The following MAGI2 variants were observed in gnomAD, a reference collection of about 807,000 sequenced individuals.
MAGI2 encodes membrane-associated guanylate kinase, WW and PDZ domain-containing protein 2.
In MAGI2, 35 loss-of-function variants were observed where a neutral mutation model predicts 133.3. The ratio of observed to expected loss-of-function variants is 0.26; its 90% CI spans 0.20 to 0.35. The LOEUF is 0.35. Among genes scored for constraint, MAGI2 ranks in the 10% least tolerant of loss-of-function variants. MAGI2 has a pLI of 1.00. For synonymous variants in MAGI2, 729 were observed against 710.6 expected, an observed-to-expected ratio of 1.03 and a Z score of -0.41; for missense variants, 1,636 against 1,863.4, an observed-to-expected ratio of 0.88 and a Z score of 2.25.
intron 2 of MAGI2, chr7:78,946,936 C>T (rs1274835913): frequency 3.9e-5 from 6 of 152,086 alleles, no homozygotes; most frequent in African/African-American, 1.4e-4. Context: ...CCAGATTTTC[C>T]TGGCCATCAT....
At chr7:78,725,591 G>A (rs922555195) in intron 2 of MAGI2, among the ~76,000 whole-genome samples, 5 of 152,234 alleles carry the variant, frequency 3.3e-5, no homozygotes, top group Non-Finnish European at 7.3e-5. Context: ...AAGGTCAGGA[G>A]ATAGAGACCA....
At chr7:78,914,563 A>C (rs973902325) in intron 2 of MAGI2, among the ~76,000 whole-genome samples, 1 of 152,152 alleles carries the variant, frequency 6.6e-6, no homozygotes, top group African/African-American at 2.4e-5. Flanking sequence ...ATTGCATTTC[A>C]CAGAAGGAAC....
chr7:79,023,492 TG>T (rs1239813003), intron 1 of MAGI2, among the ~76,000 whole-genome samples: 1 of 152,042 alleles, frequency 6.6e-6, no homozygotes, highest in East Asian at 1.9e-4. Flanking sequence ...CAGAGAAATC[TG>T]GCAAGAGAAA....
At chr7:78,417,886 T>C (rs1391908692) in intron 6 of MAGI2, among the ~76,000 whole-genome samples, 1 of 152,198 alleles carries the variant, frequency 6.6e-6, no homozygotes, top group Non-Finnish European at 1.5e-5. Context: ...TGTGTCCCCA[T>C]TGATGGCAAG....
At chr7:78,988,748 T>C (rs906045959) in intron 2 of MAGI2, among the ~76,000 whole-genome samples, 1 of 152,060 alleles carries the variant, frequency 6.6e-6, no homozygotes, top group Non-Finnish European at 1.5e-5. Flanking sequence ...CACCGTGTAA[T>C]CACCCCTCAG....
intron 9 of MAGI2, among the ~76,000 whole-genome samples, chr7:78,280,290 C>A (rs1795437205): frequency 2.0e-5 from 3 of 149,962 alleles, no homozygotes; most frequent in Admixed American, 2.0e-4. Flanking sequence ...CAAAGAAAGA[C>A]AAATTGTGGG....
chr7:79,171,821 A>T (rs533589763), intron 1 of MAGI2, among the ~76,000 whole-genome samples: 2 of 136,636 alleles, frequency 1.5e-5, no homozygotes, highest in South Asian at 4.7e-4. Context: ...ACCTAATTTC[A>T]TAGAGTCCCA....
chr7:78,869,406 T>C lies in MAGI2; in HGVS notation c.418+137684A>G, dbSNP rs1359992408. Among the ~76,000 whole-genome samples the C allele has an allele frequency of 3.3e-5, 5 of 152,284 alleles. No individual in the cohort carries two copies. The East Asian group carries it at 9.7e-4, about 29-fold the overall frequency. On this transcript the variant is annotated intron_variant, in intron 2 of 21. Transcript: ENST00000354212. ...ATCTTAAGTTGATTTTTGTGCAGAG[T>C]GAGAGATGAGAATCTAGTTTCATTC...
chr7:79,345,234 GCACAGA>G (rs2129104332), intron 1 of MAGI2, among the ~76,000 whole-genome samples: 1 of 152,096 alleles, frequency 6.6e-6, no homozygotes, highest in Admixed American at 6.6e-5. Context: ...AGAAATGTGG[GCACAGA>G]CACATATATC....
At chr7:79,331,770 T>G (rs993651672) in intron 1 of MAGI2, among the ~76,000 whole-genome samples, 1 of 152,088 alleles carries the variant, frequency 6.6e-6, no homozygotes, top group Non-Finnish European at 1.5e-5. Context: ...TGTAGTAGTA[T>G]AAAAGGTCAA....
At chr7:78,389,317 G>C (rs1445183531) in intron 6 of MAGI2, among the ~76,000 whole-genome samples, 1 of 152,144 alleles carries the variant, frequency 6.6e-6, no homozygotes, top group African/African-American at 2.4e-5. Context: ...AACAACGAGG[G>C]ACACAAAGAA....
chr7:79,310,091 G>A (rs867071552), intron 1 of MAGI2, among the ~76,000 whole-genome samples: 2 of 140,836 alleles, frequency 1.4e-5, no homozygotes, highest in Admixed American at 7.4e-5. Context: ...TTGAACCCGA[G>A]AGGTGGAGGT....
At chr7:78,978,360 CACAT>C (rs1157906866) in intron 2 of MAGI2, among the ~76,000 whole-genome samples, 4 of 151,686 alleles carry the variant, frequency 2.6e-5, no homozygotes, top group Non-Finnish European at 5.9e-5. Flanking sequence ...GTTATGAAGA[CACAT>C]GAAAGACATG....
At chr7:78,978,752 G>A (rs539143726) in intron 2 of MAGI2, among the ~76,000 whole-genome samples, 28 of 151,978 alleles carry the variant, frequency 1.8e-4, no homozygotes, top group Admixed American at 7.9e-4. Flanking sequence ...AAGAGATGGC[G>A]TGGGGTCGGG....
chr7:78,657,310 A>G (rs1812408958), intron 2 of MAGI2, among the ~76,000 whole-genome samples: 1 of 152,174 alleles, frequency 6.6e-6, no homozygotes. Context: ...TGATCTAGCA[A>G]TTACACTCCT....
chr7:78,152,149 G>T (rs1823942294), intron 16 of MAGI2, among the ~76,000 whole-genome samples: 1 of 152,186 alleles, frequency 6.6e-6, no homozygotes, highest in African/African-American at 2.4e-5. Flanking sequence ...TACTGTTTGG[G>T]CAATAGTCTC....
chr7:78,744,238 T>C (rs546867929), intron 2 of MAGI2, among the ~76,000 whole-genome samples: 1 of 152,154 alleles, frequency 6.6e-6, no homozygotes, highest in African/African-American at 2.4e-5. Context: ...GCTAATTTTA[T>C]AAAGAAAAAA....
At chr7:79,022,646 CAA>C (rs61289194) in intron 1 of MAGI2, among the ~76,000 whole-genome samples, 15 of 118,608 alleles carry the variant, frequency 1.3e-4, no homozygotes, top group South Asian at 2.8e-4. Context: ...AGACAAGATC[CAA>C]AAAAAAAAAA....
intron 1 of MAGI2, among the ~76,000 whole-genome samples, chr7:79,064,901 C>A (rs1814147824): frequency 6.6e-6 from 1 of 151,948 alleles, no homozygotes; most frequent in South Asian, 2.1e-4. Flanking sequence ...TCCTCTTTGC[C>A]CCACTTTGGT....
Sources: gnomAD v4.1 joint callset for allele counts (sites outside exome capture counted in the v4.1 genomes callset) on GRCh38, gnomAD v4.1.1 for gene constraint, MANE v1.5 for transcripts, NCBI Gene and HGNC (gene_info 2026-07-23, HGNC 2026-07-21) for gene names.